The following PECR variants were observed in gnomAD, a reference collection of about 807,000 sequenced individuals.
PECR encodes the protein peroxisomal trans-2-enoyl-CoA reductase.
In PECR, 30 loss-of-function variants were observed where a neutral mutation model predicts 35.3. The ratio of observed to expected loss-of-function variants is 0.85; its 90% CI spans 0.64 to 1.15. PECR has a LOEUF of 1.15. Among genes scored for constraint, PECR ranks in the 50% most tolerant of loss-of-function variants. The probability of loss-of-function intolerance (pLI) is 0.00; values close to 1 mark genes in which losing one functional copy is unlikely to be tolerated. For missense variants in PECR, 392 were observed against 370.8 expected, an observed-to-expected ratio of 1.06 and a Z score of -0.47; for synonymous variants, 148 against 138.9, an observed-to-expected ratio of 1.07 and a Z score of -0.46.
chr2:216,029,686 C>G (rs2105933783), intron 7 of PECR, among the ~76,000 whole-genome samples: 1 of 152,344 alleles, frequency 6.6e-6, no homozygotes, highest in Admixed American at 6.5e-5. Flanking sequence ...AAATACACAG[C>G]CTAGACTAAC....
chr2:216,054,287 CAAAAAAAAAAGAA>C (rs1259707469), intron 4 of PECR, among the ~76,000 whole-genome samples: 25 of 69,888 alleles, frequency 3.6e-4, no homozygotes, highest in Admixed American at 8.0e-4. Context: ...AACTCCATCT[CAAAAAAAAAAGAA>C]AAAAAAAAAA....
intron 4 of PECR, chr2:216,057,602 T>A (rs1288972680): frequency 6.6e-6 from 1 of 152,130 alleles, no homozygotes; most frequent in Admixed American, 6.5e-5. Context: ...ATACATTTAG[T>A]AAAGAATAAT....
At chr2:216,031,675 GAA>G (rs1416853658) in intron 7 of PECR, among the ~76,000 whole-genome samples, 94 of 47,052 alleles carry the variant, frequency 2.0e-3, no homozygotes, top group South Asian at 0.014. Flanking sequence ...AAGAAAGAAA[GAA>G]AGAAAGAAAG....
At chr2:216,031,760 CT>C (rs1337407267) in intron 7 of PECR, among the ~76,000 whole-genome samples, 4 of 151,770 alleles carry the variant, frequency 2.6e-5, no homozygotes, top group Non-Finnish European at 4.4e-5. Flanking sequence ...CCCAATTCCC[CT>C]AATGTCCATA....
chr2:216,044,792 C>A lies in PECR; in HGVS notation c.715-777G>T, dbSNP rs56059687. ...GAACTGATGAGTTCAGCAACATCTA[C>A]TCCCAACCCAAACAGAAGGAAGTTA... is the stretch of plus-strand genomic sequence containing the variant. On this transcript the variant is annotated intron_variant, in intron 6 of 7. Coordinates refer to ENST00000265322, the MANE Select transcript of PECR (RefSeq NM_018441.6). Among the ~76,000 whole-genome samples the A allele has an allele frequency of 8.5e-3, 1,298 of 152,324 alleles. 26 individuals carry two copies. Among genetic ancestry groups the A allele is most frequent in the African/African-American group, 0.029 (1,223 of 41,570 alleles).
Position 216,066,479 on chromosome 2 carries a change from A to G in PECR, c.164T>C (p.Leu55Ser). 1 of 1,613,964 alleles carries G rather than the reference A, an allele frequency of 6.2e-7. No individual in the cohort carries two copies. Among genetic ancestry groups the G allele is most frequent in the Non-Finnish European group, 8.5e-7 (1 of 1,179,798 alleles). The change falls in exon 2 of 8, where the codon TTG becomes TCG. Residue 55 changes from leucine to serine, a missense_variant. Physicochemically the swap from Leu to Ser is moderately radical, Grantham distance 145. Coordinates refer to ENST00000265322, the MANE Select transcript of PECR (RefSeq NM_018441.6). ...VVIASRKLER[L>S]KSAADELQAN... ...CTGCAGTTCATCTGCCGCAGACTTCAATCTCTCCAACTTACGGGATGCAAT... is the reference window on the plus strand; with the variant it reads ...CTGCAGTTCATCTGCCGCAGACTTCGATCTCTCCAACTTACGGGATGCAAT...
intron 6 of PECR, among the ~76,000 whole-genome samples, chr2:216,047,038 C>A (rs946347723): frequency 2.0e-5 from 3 of 152,150 alleles, no homozygotes; most frequent in African/African-American, 7.2e-5. Flanking sequence ...GAGGTTGAGG[C>A]AGGTGGATCA....
At chr2:216,058,723 T>TAGGAC (rs1695277522) in intron 4 of PECR, among the ~76,000 whole-genome samples, 172 bp downstream of exon 4, 1 of 151,548 alleles carries the variant, frequency 6.6e-6, no homozygotes, top group African/African-American at 2.4e-5. Flanking sequence ...ATGAAAATGT[T>TAGGAC]TTAGAAGTAC....
At chr2:216,050,133 G>T (rs1695077441) in intron 5 of PECR, among the ~76,000 whole-genome samples, 2 of 152,102 alleles carry the variant, frequency 1.3e-5, no homozygotes, top group African/African-American at 4.8e-5. Flanking sequence ...GAGTTGGGAG[G>T]ATCGCTTGCG....
At chr2:216,060,910 A>G (rs1440384550) in intron 3 of PECR, among the ~76,000 whole-genome samples, 1 of 151,638 alleles carries the variant, frequency 6.6e-6, no homozygotes, top group Non-Finnish European at 1.5e-5. Context: ...TCTTTATAAA[A>G]GAATGCCAAT....
chr2:216,051,234 C>A (rs1695107398), intron 5 of PECR, among the ~76,000 whole-genome samples: 1 of 143,942 alleles, frequency 6.9e-6, no homozygotes, highest in African/African-American at 2.6e-5. Context: ...TATAGTGAGC[C>A]ACGATCATGC....
chr2:216,076,822 T>A (rs1302481888), intron 1 of PECR, among the ~76,000 whole-genome samples: 1 of 151,916 alleles, frequency 6.6e-6, no homozygotes, highest in Non-Finnish European at 1.5e-5. Flanking sequence ...AATATCTTGC[T>A]ATTGAAGACT....
chr2:216,035,071 G>A (rs1052030519), downstream of PECR, among the ~76,000 whole-genome samples: 6 of 152,210 alleles, frequency 3.9e-5, no homozygotes, highest in Admixed American at 2.0e-4. Flanking sequence ...GCCACAGGAC[G>A]GCCAGTCGAC....
chr2:216,043,432 A>G (rs1694934231), intron 7 of PECR, among the ~76,000 whole-genome samples: 1 of 152,064 alleles, frequency 6.6e-6, no homozygotes, highest in Non-Finnish European at 1.5e-5. Flanking sequence ...TTGTACATCA[A>G]AAATGATGAA....
chr2:216,062,076 A>G (rs1175223271), intron 3 of PECR, among the ~76,000 whole-genome samples: 1 of 148,768 alleles, frequency 6.7e-6, no homozygotes, highest in African/African-American at 2.5e-5. Flanking sequence ...TTTTTGAGAC[A>G]GAGTCTCACT....
At chr2:216,078,034 A>AG (rs1559220901) in intron 1 of PECR, among the ~76,000 whole-genome samples, 3 of 151,202 alleles carry the variant, frequency 2.0e-5, no homozygotes, top group African/African-American at 7.3e-5. Context: ...AAAAAAAAAA[A>AG]GCAAAAATAT....
chr2:216,080,313 T>C (rs1291644168), intron 1 of PECR, among the ~76,000 whole-genome samples: 3 of 152,160 alleles, frequency 2.0e-5, no homozygotes, highest in African/African-American at 7.2e-5. Flanking sequence ...TGACCTCAGG[T>C]TATCTGCCCG....
intron 1 of PECR, among the ~76,000 whole-genome samples, chr2:216,073,817 A>T (rs1409137536): frequency 6.6e-6 from 1 of 152,204 alleles, no homozygotes; most frequent in Non-Finnish European, 1.5e-5. Flanking sequence ...TAAACCATGT[A>T]TATAGTAGGC....
intron 1 of PECR, among the ~76,000 whole-genome samples, chr2:216,080,516 G>A (rs760679463): frequency 4.6e-5 from 7 of 151,990 alleles, no homozygotes; most frequent in Admixed American, 3.3e-4. Flanking sequence ...GCTTGACTCC[G>A]TTTCCTTAAA....
Sources: allele counts gnomAD v4.1 joint callset (sites outside exome capture counted in the v4.1 genomes callset), GRCh38; gene constraint gnomAD v4.1.1; transcripts MANE v1.5; gene names NCBI Gene and HGNC (gene_info 2026-07-23, HGNC 2026-07-21).